KHDRBS3: variants seen among roughly 807,000 people sequenced by gnomAD.
The protein encoded by KHDRBS3 is KH RNA binding domain containing, signal transduction associated 3.
A neutral mutation model predicts 45.6 loss-of-function variants in KHDRBS3; 23 were observed. The ratio of observed to expected loss-of-function variants is 0.50; its 90% CI spans 0.36 to 0.72. The LOEUF (loss-of-function observed/expected upper bound fraction) is 0.72. Ranked by LOEUF, KHDRBS3 falls within the 30% of genes least tolerant of loss-of-function variation. The pLI is 0.00. For synonymous variants in KHDRBS3, 162 were observed against 156.5 expected (o/e 1.04, Z -0.26); for missense variants, 352 against 424.8 (o/e 0.83, Z 1.51).
chr8:135,596,055 G>A lies in KHDRBS3; in HGVS notation c.808-10900G>A, dbSNP rs113649148. On this transcript the variant is annotated intron_variant, in intron 6 of 8. Transcript: ENST00000355849. ...TAATAACTGGGCCAACAGCTTGGGG[G>A]AAAATGAAAATGAAAGGCAATTTTC... Among the ~76,000 whole-genome samples, 642 of 152,136 alleles carry A rather than the reference G, an allele frequency of 4.2e-3. 12 individuals are homozygous for A. The highest frequency in any genetic ancestry group is 0.014 in the African/African-American group (584 of 41,464).
At chr8:135,618,029 T>A (rs1264173779) in intron 7 of KHDRBS3, among the ~76,000 whole-genome samples, 1 of 152,184 alleles carries the variant, frequency 6.6e-6, no homozygotes, top group Admixed American at 6.5e-5. Context: ...ATTGTTAGAC[T>A]CACAGCTTTA....
rs145373025 is a variant in KHDRBS3 at position 135,612,400 on chromosome 8, G to A, written c.890+5363G>A. On this transcript the variant is annotated intron_variant, in intron 7 of 8. Transcript: ENST00000355849. Reference sequence around the variant, plus strand: ...TATATTAAATATACATATTACAGTCGTAGGCTTAGACTAGTGAAATTAAGA... The same window carrying A: ...TATATTAAATATACATATTACAGTCATAGGCTTAGACTAGTGAAATTAAGA... Among the ~76,000 whole-genome samples, 155 of 151,872 alleles carry A rather than the reference G, an allele frequency of 1.0e-3. 5 individuals are homozygous for A. Among genetic ancestry groups the A allele is most frequent in the African/African-American group, 3.4e-3 (139 of 41,216 alleles).
At chr8:135,466,992 G>T (rs1054356182) in intron 1 of KHDRBS3, among the ~76,000 whole-genome samples, 1 of 152,162 alleles carries the variant, frequency 6.6e-6, no homozygotes, top group African/African-American at 2.4e-5. Context: ...AGTATAATTG[G>T]ATTGTTTGTA....
intron 5 of KHDRBS3, among the ~76,000 whole-genome samples, chr8:135,575,757 T>A (rs2130903239): frequency 6.6e-6 from 1 of 152,344 alleles, no homozygotes; most frequent in East Asian, 1.9e-4. Flanking sequence ...TTTTTCTCTA[T>A]TATTAACATC....
Position 135,607,036 on chromosome 8 carries a change from A to C in KHDRBS3, c.889A>C (p.Ser297Arg). ...TAACAGCTATAGCACCCCAGCCCAA[A>C]GGTAAGAGTCAGTCTTTATTACCAG... is the stretch of plus-strand genomic sequence containing the variant. ...YDNSYSTPAQ[S>R]GADYYDYGHG... The change falls in exon 7 of 9, where the codon AGT becomes CGT. Residue 297 changes from serine (S) to arginine (R), a missense_variant and splice_region_variant. Transcript: ENST00000355849. 1 of 1,611,542 alleles carries C rather than the reference A, an allele frequency of 6.2e-7. No individual in the cohort carries two copies. Among genetic ancestry groups the C allele is most frequent in the Non-Finnish European group, 8.5e-7 (1 of 1,177,998 alleles).
intron 1 of KHDRBS3, among the ~76,000 whole-genome samples, chr8:135,504,747 G>T (rs1464800370): frequency 1.3e-5 from 2 of 152,172 alleles, no homozygotes; most frequent in Non-Finnish European, 2.9e-5. Context: ...TTGTCTTCCT[G>T]TGCATTTCAC....
rs553546383 is a variant in KHDRBS3, at chr8:135,578,686, G to A, written c.612-3192G>A. On this transcript the variant is annotated intron_variant, in intron 5 of 8. Transcript: ENST00000355849. ...ACATTGTTTTTCTTGTCAGTATTGT[G>A]TTGTCTGTTCTGGGTCTTTTGCCTT... 4.1e-4 allele frequency among the ~76,000 whole-genome samples: 63 copies of A among 152,204 alleles called. No individual in the cohort carries two copies. In the South Asian group the frequency reaches 0.012, roughly 30 times the overall value.
At chr8:135,547,392 G>T (rs1035245271) in intron 3 of KHDRBS3, among the ~76,000 whole-genome samples, 1 of 152,212 alleles carries the variant, frequency 6.6e-6, no homozygotes, top group Middle Eastern at 3.4e-3. Context: ...GCTGTGCCTT[G>T]TATTCTCAGT....
At chr8:135,639,635 C>CTT (rs1360000486) in intron 7 of KHDRBS3, among the ~76,000 whole-genome samples, 199 of 152,282 alleles carry the variant, frequency 1.3e-3, no homozygotes, top group African/African-American at 4.6e-3. Flanking sequence ...GTACCTGGGG[C>CTT]TGGGTAATTT....
rs142509004 is a variant in KHDRBS3 at position 135,595,071 on chromosome 8, C to A, written c.808-11884C>A. On this transcript the variant is annotated intron_variant, in intron 6 of 8. Coordinates refer to ENST00000355849, the MANE Select transcript of KHDRBS3 (RefSeq NM_006558.3). ...CTACACACAGCATTGATGAATCTCA[C>A]AAACATAATACTTAATGAAAGAAGA... Among the ~76,000 whole-genome samples the A allele has an allele frequency of 3.0e-3, 458 of 152,284 alleles. 4 individuals are homozygous for A. Among genetic ancestry groups the A allele is most frequent in the African/African-American group, 0.01 (428 of 41,544 alleles).
intron 5 of KHDRBS3, among the ~76,000 whole-genome samples, chr8:135,578,287 A>G (rs901893237): frequency 1.3e-5 from 2 of 152,126 alleles, no homozygotes; most frequent in South Asian, 2.1e-4. Context: ...TTGATATTGT[A>G]TCTAAAAACT....
intron 5 of KHDRBS3, among the ~76,000 whole-genome samples, chr8:135,581,351 C>T (rs1216113732): frequency 6.6e-6 from 1 of 152,132 alleles, no homozygotes; most frequent in Non-Finnish European, 1.5e-5. Flanking sequence ...TTTACTTAAC[C>T]TAAGAATGTT....
chr8:135,504,993 G>T (rs1823917779), intron 1 of KHDRBS3, among the ~76,000 whole-genome samples: 1 of 152,142 alleles, frequency 6.6e-6, no homozygotes, highest in African/African-American at 2.4e-5. Flanking sequence ...CGAGACCAAA[G>T]AAGTAGCAAG....
intron 5 of KHDRBS3, among the ~76,000 whole-genome samples, chr8:135,575,649 AT>A (rs964205399): frequency 1.3e-3 from 192 of 148,762 alleles, no homozygotes; most frequent in African/African-American, 3.1e-3. Context: ...CAAAATTGAG[AT>A]TTTTTTTTTT....
At chr8:135,616,828 C>T (rs1829936214) in intron 7 of KHDRBS3, among the ~76,000 whole-genome samples, 1 of 152,002 alleles carries the variant, frequency 6.6e-6, no homozygotes, top group South Asian at 2.1e-4. Flanking sequence ...TGTTTCATTC[C>T]TCGTGTTTCA....
At chr8:135,568,719 A>AGC in intron 5 of KHDRBS3, among the ~76,000 whole-genome samples, 1 of 152,240 alleles carries the variant, frequency 6.6e-6, no homozygotes, top group Non-Finnish European at 1.5e-5. Context: ...TGCTCTCTGA[A>AGC]ACAATCAATG....
At chr8:135,593,458 T>C (rs571541034) in intron 6 of KHDRBS3, 11 of 152,306 alleles carry the variant, frequency 7.2e-5, no homozygotes, top group African/African-American at 2.6e-4. Context: ...AGGTAGGAGC[T>C]ATGTCTTTTG....
At chr8:135,627,830 A>T (rs1230809101) in intron 7 of KHDRBS3, among the ~76,000 whole-genome samples, 2 of 152,014 alleles carry the variant, frequency 1.3e-5, no homozygotes, top group Non-Finnish European at 2.9e-5. Flanking sequence ...TTTTTTTTAG[A>T]GTACCCAAAC....
chr8:135,563,326 C>T (rs1282893738), intron 5 of KHDRBS3, among the ~76,000 whole-genome samples: 2 of 152,222 alleles, frequency 1.3e-5, no homozygotes, highest in Non-Finnish European at 2.9e-5. Context: ...AGATCCTTCA[C>T]ATTTATTCTC....
Sources: gnomAD v4.1 joint callset for allele counts (sites outside exome capture counted in the v4.1 genomes callset) on GRCh38, gnomAD v4.1.1 for gene constraint, MANE v1.5 for transcripts, NCBI Gene and HGNC (gene_info 2026-07-23, HGNC 2026-07-21) for gene names.